PIK3CB: variants seen among roughly 807,000 people sequenced by gnomAD.
PIK3CB encodes phosphatidylinositol 4,5-bisphosphate 3-kinase catalytic subunit beta isoform.
A neutral mutation model predicts 136.8 loss-of-function variants in PIK3CB; 39 were observed. The ratio of observed to expected loss-of-function variants is 0.29; its 90% CI spans 0.22 to 0.37. PIK3CB has a LOEUF of 0.37. Among genes scored for constraint, PIK3CB ranks in the 10% least tolerant of loss-of-function variants. The pLI is 1.00. For missense variants in PIK3CB, 868 were observed against 1,275.4 expected, an observed-to-expected ratio of 0.68 and a Z score of 4.87; for synonymous variants, 428 against 436.6, an observed-to-expected ratio of 0.98 and a Z score of 0.25.
chr3:138,823,252 C>T (rs1192693650), intron 1 of PIK3CB, among the ~76,000 whole-genome samples: 4 of 151,288 alleles, frequency 2.6e-5, no homozygotes, highest in African/African-American at 4.9e-5. Flanking sequence ...AAGTCCCCAT[C>T]CCTAAAAAAA....
At chr3:138,802,451 A>G (rs896278181) in intron 1 of PIK3CB, among the ~76,000 whole-genome samples, 2 of 151,430 alleles carry the variant, frequency 1.3e-5, no homozygotes, top group African/African-American at 2.4e-5. Context: ...GTGGCGGAGG[A>G]AAGGAGGGAA....
chr3:138,686,239 G>A (rs2043890414), intron 16 of PIK3CB, among the ~76,000 whole-genome samples: 1 of 152,026 alleles, frequency 6.6e-6, no homozygotes, highest in South Asian at 2.1e-4. Context: ...AGGAGTTCAA[G>A]ACCAGCCTGG....
In PIK3CB at chr3:138,830,643, T is replaced by C. The variant is rs149586068; in HGVS notation, c.-122+4052A>G. 4.4e-3 allele frequency among the ~76,000 whole-genome samples: 667 copies of C among 152,094 alleles called. 2 individuals are homozygous for C. Among genetic ancestry groups the C allele is most frequent in the Non-Finnish European group, 7.9e-3 (536 of 67,992 alleles). On this transcript the variant is annotated intron_variant, in intron 1 of 23. Coordinates refer to ENST00000674063, the MANE Select transcript of PIK3CB (RefSeq NM_006219.3). ...CAGGGGCCGGAGTGGATGACGCCTGTAATCCCAGCACTTTGGGAGGCCGAG... is the reference window on the plus strand; with the variant it reads ...CAGGGGCCGGAGTGGATGACGCCTGCAATCCCAGCACTTTGGGAGGCCGAG...
intron 8 of PIK3CB, among the ~76,000 whole-genome samples, chr3:138,726,148 T>C (rs1169506026): frequency 6.6e-6 from 1 of 152,242 alleles, no homozygotes; most frequent in Non-Finnish European, 1.5e-5. Flanking sequence ...ACTTGGCTAA[T>C]GGAATATGCC....
chr3:138,721,008 C>CA (rs1256572771), intron 8 of PIK3CB, among the ~76,000 whole-genome samples: 1 of 152,090 alleles, frequency 6.6e-6, no homozygotes, highest in African/African-American at 2.4e-5. Context: ...CTGCAAACTA[C>CA]AAAAAAACTT....
At chr3:138,714,847 G>A in intron 8 of PIK3CB, 128 bp from the exon 9 acceptor site, 1 of 862,482 alleles carries the variant, frequency 1.2e-6, no homozygotes, top group Non-Finnish European at 1.7e-6. Flanking sequence ...GGAACATACT[G>A]GAAGAAGAAA....
At chr3:138,776,027 GTC>G (rs1406430007) in intron 2 of PIK3CB, among the ~76,000 whole-genome samples, 1 of 152,012 alleles carries the variant, frequency 6.6e-6, no homozygotes, top group Non-Finnish European at 1.5e-5. Flanking sequence ...GTGAAACCCA[GTC>G]TCTACTAAAA....
At chr3:138,670,150 G>A (rs1051693884) in intron 19 of PIK3CB, among the ~76,000 whole-genome samples, 1 of 152,154 alleles carries the variant, frequency 6.6e-6, no homozygotes, top group Non-Finnish European at 1.5e-5. Context: ...AGGTCACAAT[G>A]AACTTCATTT....
chr3:138,654,763 T>C lies in PIK3CB; in HGVS notation c.*626A>G, dbSNP rs2043164245. ...TAAATATATATGTAGCATATTTATATATATTATATTTGCCTCACCAGTAGA... is the reference window on the plus strand; with the variant it reads ...TAAATATATATGTAGCATATTTATACATATTATATTTGCCTCACCAGTAGA... On this transcript the variant is annotated 3_prime_UTR_variant, in exon 24 of 24. Coordinates refer to ENST00000674063, the MANE Select transcript of PIK3CB (RefSeq NM_006219.3). The C allele has an allele frequency of 4.7e-6, 1 of 212,164 alleles. No homozygotes were observed. The highest frequency in any genetic ancestry group is 1.9e-4 in the South Asian group (1 of 5,368). The allele number at this position is 212,164 out of a possible 1,614,324, so 13.1% of individuals were successfully genotyped here.
intron 2 of PIK3CB, among the ~76,000 whole-genome samples, chr3:138,786,730 A>C (rs2045985472): frequency 6.6e-6 from 1 of 152,212 alleles, no homozygotes; most frequent in African/African-American, 2.4e-5. Flanking sequence ...AATCCTCCAC[A>C]TAAAACTATT....
At chr3:138,808,149 T>C (rs1241330053) in intron 1 of PIK3CB, among the ~76,000 whole-genome samples, 2 of 152,192 alleles carry the variant, frequency 1.3e-5, no homozygotes, top group East Asian at 1.9e-4. Flanking sequence ...CAGAGCTTTT[T>C]ATCCACTGCT....
intron 4 of PIK3CB, among the ~76,000 whole-genome samples, chr3:138,749,428 C>A (rs1286166151): frequency 6.6e-6 from 1 of 152,174 alleles, no homozygotes; most frequent in Non-Finnish European, 1.5e-5. Context: ...ATCCACTCTT[C>A]ATTCTACAAC....
intron 13 of PIK3CB, among the ~76,000 whole-genome samples, chr3:138,696,644 A>G (rs1357709981): frequency 2.6e-5 from 4 of 152,106 alleles, no homozygotes; most frequent in South Asian, 2.1e-4. Flanking sequence ...TATTGGGGGG[A>G]AAAGGGTCTA....
At chr3:138,731,437 G>A (rs944325388) in intron 8 of PIK3CB, among the ~76,000 whole-genome samples, 1 of 151,672 alleles carries the variant, frequency 6.6e-6, no homozygotes, top group Admixed American at 6.6e-5. Context: ...ATTTTTTGTA[G>A]AGATGGGATT....
At chr3:138,813,835 A>C (rs1933184216) in intron 1 of PIK3CB, among the ~76,000 whole-genome samples, 1 of 152,156 alleles carries the variant, frequency 6.6e-6, no homozygotes, top group Non-Finnish European at 1.5e-5. Context: ...TGGGGTAAAC[A>C]ATTAGATATG....
At chr3:138,761,482 A>G (rs1251379194) in intron 2 of PIK3CB, among the ~76,000 whole-genome samples, 1 of 152,204 alleles carries the variant, frequency 6.6e-6, no homozygotes, top group Admixed American at 6.5e-5. Flanking sequence ...ACTATAAAAA[A>G]CTATCTTAGC....
chr3:138,747,063 TA>T, intron 4 of PIK3CB, among the ~76,000 whole-genome samples: 1 of 17,628 alleles, frequency 5.7e-5, no homozygotes, highest in African/African-American at 3.2e-4. Context: ...TTTATATATA[TA>T]TATATATATA....
At chr3:138,671,464 T>A (rs993327378) in intron 19 of PIK3CB, among the ~76,000 whole-genome samples, 1 of 151,882 alleles carries the variant, frequency 6.6e-6, no homozygotes, top group Non-Finnish European at 1.5e-5. Context: ...ATTAAAAAAA[T>A]GATGAAGTCC....
At chr3:138,751,971 TAAAA>T (rs11328258) in intron 4 of PIK3CB, among the ~76,000 whole-genome samples, 5 of 114,668 alleles carry the variant, frequency 4.4e-5, no homozygotes, top group East Asian at 2.5e-4. Flanking sequence ...ACTCTGTATA[TAAAA>T]AAAAAAAAAA....
Sources: gnomAD v4.1 joint callset for allele counts (sites outside exome capture counted in the v4.1 genomes callset) on GRCh38, gnomAD v4.1.1 for gene constraint, MANE v1.5 for transcripts, NCBI Gene and HGNC (gene_info 2026-07-23, HGNC 2026-07-21) for gene names.